Variants in LRRC37A observed in about 807,000 individuals in gnomAD.
The protein encoded by LRRC37A is leucine rich repeat containing 37A.
In LRRC37A, 3 loss-of-function variants were observed where a neutral mutation model predicts 35.4. That is an observed-to-expected ratio of 0.08 (90% CI 0.04 to 0.22). The LOEUF (loss-of-function observed/expected upper bound fraction) is 0.22. Among genes scored for constraint, LRRC37A ranks in the 10% least tolerant of loss-of-function variants. The pLI is 1.00. For synonymous variants in LRRC37A, 23 were observed against 215.0 expected (o/e 0.11, Z 7.81); for missense variants, 67 against 565.3 (o/e 0.12, Z 8.94).
At chr17:46,278,292 T>G in the LRRC37A span, among the ~76,000 whole-genome samples, 1 of 152,246 alleles carries the variant, frequency 6.6e-6, no homozygotes. Context: ...CAACTTTCAT[T>G]TAAGCCCTGT....
the LRRC37A span, among the ~76,000 whole-genome samples, chr17:46,253,281 A>G: frequency 6.7e-6 from 1 of 149,814 alleles, no homozygotes; most frequent in African/African-American, 2.5e-5. Flanking sequence ...GCGGCCGGGC[A>G]GAGACGCTCC....
At chr17:46,271,393 G>T in the LRRC37A span, among the ~76,000 whole-genome samples, 1 of 148,458 alleles carries the variant, frequency 6.7e-6, no homozygotes, top group African/African-American at 2.5e-5. Flanking sequence ...TGTTTGTCAG[G>T]CTGGTTTCAA....
At chr17:46,273,249 A>G in the LRRC37A span, among the ~76,000 whole-genome samples, 1 of 152,378 alleles carries the variant, frequency 6.6e-6, no homozygotes, top group East Asian at 1.9e-4. Flanking sequence ...TGCATACAAT[A>G]TGTAACTTTT....
the LRRC37A span, among the ~76,000 whole-genome samples, chr17:46,258,860 G>A: frequency 2.0e-5 from 3 of 150,994 alleles, no homozygotes; most frequent in Non-Finnish European, 2.9e-5. Context: ...GACTACAGGC[G>A]CCTGCCACCA....
chr17:46,270,974 A>G, the LRRC37A span, among the ~76,000 whole-genome samples: 3 of 152,212 alleles, frequency 2.0e-5, no homozygotes, highest in Non-Finnish European at 4.4e-5. Flanking sequence ...CAAGTGGTAT[A>G]ATCTTCTAAG....
At chr17:46,292,949 T>C (rs113272330), upstream of LRRC37A, 1 of 33,740 alleles carries the variant, frequency 3.0e-5, no homozygotes, top group African/African-American at 6.6e-5. Flanking sequence ...TTTTATCTTT[T>C]TTTTTTTTTT....
At chr17:46,249,245 T>C in the LRRC37A span, among the ~76,000 whole-genome samples, 1 of 152,154 alleles carries the variant, frequency 6.6e-6, no homozygotes, top group Non-Finnish European at 1.5e-5. Context: ...AATACACAAA[T>C]TAGCCAGATG....
the LRRC37A span, among the ~76,000 whole-genome samples, chr17:46,276,957 C>T: frequency 3.9e-5 from 6 of 151,980 alleles, no homozygotes; most frequent in Non-Finnish European, 8.8e-5. Flanking sequence ...GCACGTGCCA[C>T]CATGCTCAGC....
At chr17:46,273,319 G>A in the LRRC37A span, among the ~76,000 whole-genome samples, 1 of 152,134 alleles carries the variant, frequency 6.6e-6, no homozygotes, top group Non-Finnish European at 1.5e-5. Context: ...AATATTTTAA[G>A]CAAAAATGTT....
upstream of LRRC37A, among the ~76,000 whole-genome samples, chr17:46,291,924 G>A (rs1052724966): frequency 1.0e-4 from 15 of 144,746 alleles, no homozygotes; most frequent in African/African-American, 3.9e-4. Flanking sequence ...TTGCACCGCT[G>A]CACTCCAGCC....
the LRRC37A span, among the ~76,000 whole-genome samples, chr17:46,271,373 G>A: frequency 1.4e-5 from 2 of 146,728 alleles, no homozygotes; most frequent in African/African-American, 5.0e-5. Context: ...GTAGAGATGG[G>A]GTTTCTCCAT....
chr17:46,259,703 C>T, the LRRC37A span: 115 of 1,601,288 alleles, frequency 7.2e-5, no homozygotes, highest in Middle Eastern at 6.6e-4. Context: ...CAGATGAGGC[C>T]GCTGAAGGGC....
the LRRC37A span, among the ~76,000 whole-genome samples, chr17:46,283,373 A>C: frequency 6.6e-6 from 1 of 152,282 alleles, no homozygotes; most frequent in African/African-American, 2.4e-5. Flanking sequence ...GGTTCAAGGA[A>C]AGGCTGGGCC....
At chr17:46,260,761 T>A in the LRRC37A span, among the ~76,000 whole-genome samples, 1 of 151,942 alleles carries the variant, frequency 6.6e-6, no homozygotes, top group Non-Finnish European at 1.5e-5. Context: ...GTAGCTGGGA[T>A]TACAGGCATG....
chr17:46,314,583 A>C (rs2050971017), intron 5 of LRRC37A, among the ~76,000 whole-genome samples: 1 of 76,568 alleles, frequency 1.3e-5, no homozygotes, highest in Non-Finnish European at 3.9e-5. Context: ...TCAGCCTCCC[A>C]AAATGCTGGG....
chr17:46,291,377 G>A (rs1276061678), upstream of LRRC37A, among the ~76,000 whole-genome samples: 1 of 151,970 alleles, frequency 6.6e-6, no homozygotes, highest in Non-Finnish European at 1.5e-5. Flanking sequence ...CTGTGAGCAG[G>A]ACTAAAACTG....
chr17:46,277,657 T>TC, the LRRC37A span, among the ~76,000 whole-genome samples: 15,897 of 134,434 alleles, frequency 0.12, 3 homozygotes, highest in Middle Eastern at 0.18. Flanking sequence ...TTCTTTCTTT[T>TC]TTTTTTTTTG....
At chr17:46,253,286 CG>C in the LRRC37A span, among the ~76,000 whole-genome samples, 1 of 150,650 alleles carries the variant, frequency 6.6e-6, no homozygotes, top group Non-Finnish European at 1.5e-5. Context: ...CGGGCAGAGA[CG>C]CTCCTCCCTT....
At chr17:46,261,328 G>A in the LRRC37A span, among the ~76,000 whole-genome samples, 22,016 of 151,794 alleles carry the variant, frequency 0.15, 2,208 homozygotes, top group Middle Eastern at 0.22. Flanking sequence ...TACAGGGTAG[G>A]GGAGACTACA....
Sources: allele counts gnomAD v4.1 joint callset (sites outside exome capture counted in the v4.1 genomes callset), GRCh38; gene constraint gnomAD v4.1.1; transcripts MANE v1.5; gene names NCBI Gene and HGNC (gene_info 2026-07-23, HGNC 2026-07-21).